The following GABBR2 variants were observed in gnomAD, a reference collection of about 807,000 sequenced individuals.
GABBR2 encodes the protein G-protein coupled receptor 51.
A neutral mutation model predicts 105.6 loss-of-function variants in GABBR2; 23 were observed. The observed-to-expected ratio is 0.22, with a 90% CI of 0.16 to 0.31. The LOEUF is 0.31. GABBR2 is among the 10% of genes least tolerant of loss of function. GABBR2 has a pLI of 1.00. For synonymous variants in GABBR2, 478 were observed against 499.7 expected, an observed-to-expected ratio of 0.96 and a Z score of 0.58; for missense variants, 734 against 1,245.5, an observed-to-expected ratio of 0.59 and a Z score of 6.18.
chr9:98,407,414 G>A (rs1279757492), intron 7 of GABBR2, among the ~76,000 whole-genome samples: 1 of 152,184 alleles, frequency 6.6e-6, no homozygotes, highest in Non-Finnish European at 1.5e-5. Flanking sequence ...AGACAGCTGT[G>A]AGTAGTATCA....
intron 3 of GABBR2, among the ~76,000 whole-genome samples, chr9:98,498,033 G>A (rs1827319157): frequency 6.6e-6 from 1 of 152,198 alleles, no homozygotes. Flanking sequence ...TACAGACAGT[G>A]AAATACTATT....
intron 7 of GABBR2, among the ~76,000 whole-genome samples, chr9:98,449,719 T>C (rs2131597667): frequency 6.6e-6 from 1 of 152,304 alleles, no homozygotes; most frequent in East Asian, 1.9e-4. Context: ...TGCTCTGGGC[T>C]TTTGAGATTT....
At chr9:98,680,368 C>T (rs1260226058) in intron 1 of GABBR2, among the ~76,000 whole-genome samples, 1 of 152,046 alleles carries the variant, frequency 6.6e-6, no homozygotes, top group Non-Finnish European at 1.5e-5. Flanking sequence ...TGCAGTGGCA[C>T]GATCTCGGCT....
rs762233725 is a variant in GABBR2, at chr9:98,306,097, A to G, written c.2229+24T>C. ...GTGCTGGAGTCAGAGGGCAGAGGCC[A>G]GGTGGTGGGGCCAGCGCCTGTACCT... On this transcript the variant is annotated intron_variant, in intron 15 of 18. Coordinates refer to ENST00000259455, the MANE Select transcript of GABBR2 (RefSeq NM_005458.8). The surrounding 1 kb of genome is among the most constrained non-coding windows in gnomAD (Gnocchi z 5.4). 9.0e-6 allele frequency: 14 copies of G among 1,550,482 alleles called. No individual in the cohort carries two copies. The African/African-American group carries it at 1.6e-4, about 18-fold the overall frequency.
At chr9:98,401,362 G>T (rs1832391918) in intron 8 of GABBR2, among the ~76,000 whole-genome samples, 1 of 152,168 alleles carries the variant, frequency 6.6e-6, no homozygotes, top group Non-Finnish European at 1.5e-5. Context: ...TTGTATAAGA[G>T]AATCAGGGCT....
chr9:98,386,273 G>A lies in GABBR2; in HGVS notation c.1530-501C>T, dbSNP rs181321983. ...ATGTCAAATCTAGAGAATGTGACAT[G>A]TAACTTCAGCCACGTTCCCCACAGT... On this transcript the variant is annotated intron_variant, in intron 10 of 18. Transcript: ENST00000259455. Among the ~76,000 whole-genome samples, 5 of 145,272 alleles carry A rather than the reference G, an allele frequency of 3.4e-5. No individual in the cohort carries two copies. The East Asian group carries it at 1.0e-3, about 29-fold the overall frequency.
intron 6 of GABBR2, among the ~76,000 whole-genome samples, chr9:98,458,764 A>T (rs1826370776): frequency 6.6e-6 from 1 of 152,244 alleles, no homozygotes; most frequent in African/African-American, 2.4e-5. Context: ...GGTTCAGTAT[A>T]TCAGTGAGTG....
chr9:98,620,148 A>T (rs1204738216), intron 1 of GABBR2, among the ~76,000 whole-genome samples: 1 of 152,160 alleles, frequency 6.6e-6, no homozygotes, highest in African/African-American at 2.4e-5. Context: ...CTGTACTGCT[A>T]CATTTTATTT....
chr9:98,573,133 G>A (rs565186854), intron 2 of GABBR2, among the ~76,000 whole-genome samples: 3 of 152,150 alleles, frequency 2.0e-5, no homozygotes, highest in Non-Finnish European at 4.4e-5. Context: ...GCACATTTCA[G>A]TACTCAGTGA....
intron 1 of GABBR2, among the ~76,000 whole-genome samples, chr9:98,684,177 A>T (rs1443085310): frequency 1.6e-4 from 24 of 146,048 alleles, no homozygotes; most frequent in Middle Eastern, 3.5e-3. Context: ...GGTAAAAAAA[A>T]AAAAAAAAAA....
chr9:98,394,313 G>T, intron 8 of GABBR2, 58 bp from the exon 9 acceptor site: 2 of 1,243,684 alleles, frequency 1.6e-6, no homozygotes, highest in Non-Finnish European at 2.4e-6. Context: ...GTGTCTGGGT[G>T]CTCCTATTCC....
intron 7 of GABBR2, among the ~76,000 whole-genome samples, chr9:98,447,352 C>A (rs539645897): frequency 1.3e-5 from 2 of 151,726 alleles, no homozygotes; most frequent in African/African-American, 4.8e-5. Flanking sequence ...CGTGAGCCAC[C>A]GCGCCCGGCC....
At chr9:98,367,369 A>C (rs1008661517) in intron 12 of GABBR2, among the ~76,000 whole-genome samples, 1 of 151,936 alleles carries the variant, frequency 6.6e-6, no homozygotes, top group Non-Finnish European at 1.5e-5. Context: ...AAAACAAGTC[A>C]GTCACCAAAG....
intron 7 of GABBR2, among the ~76,000 whole-genome samples, chr9:98,419,187 A>C (rs555131835): frequency 3.2e-4 from 48 of 152,212 alleles, no homozygotes; most frequent in Admixed American, 5.9e-4. Context: ...GGAAGAGAAA[A>C]AGATGCAGAT....
intron 1 of GABBR2, among the ~76,000 whole-genome samples, chr9:98,616,803 CAG>C (rs1829593290): frequency 6.6e-6 from 1 of 151,796 alleles, no homozygotes; most frequent in African/African-American, 2.4e-5. Flanking sequence ...TAGAGATCCA[CAG>C]AGTCAGCTGG....
chr9:98,500,103 A>G (rs1404126723), intron 3 of GABBR2, among the ~76,000 whole-genome samples: 1 of 152,262 alleles, frequency 6.6e-6, no homozygotes, highest in African/African-American at 2.4e-5. Context: ...ACTGGAGCCA[A>G]TATCTTGCCA....
At chr9:98,531,278 G>A (rs1828062707) in intron 3 of GABBR2, among the ~76,000 whole-genome samples, 1 of 152,174 alleles carries the variant, frequency 6.6e-6, no homozygotes, top group Admixed American at 6.5e-5. Flanking sequence ...GTGGGGAGAA[G>A]GACTCCACTC....
rs773634944 is a variant in GABBR2, at chr9:98,530,698, C to T, written c.630+11175G>A. ...TATTTGGGAACCTGAGCCAGAAGAT[C>T]GCTTGAGCCCAGGAGTTTGAGGCTG... On this transcript the variant is annotated intron_variant, in intron 3 of 18. Coordinates refer to ENST00000259455, the MANE Select transcript of GABBR2 (RefSeq NM_005458.8). 2.6e-4 allele frequency among the ~76,000 whole-genome samples: 39 copies of T among 152,272 alleles called. 1 individual carries two copies. Among genetic ancestry groups the T allele is most frequent in the Admixed American group, 5.9e-4 (9 of 15,292 alleles).
At chr9:98,497,829 T>A (rs1419058206) in intron 3 of GABBR2, among the ~76,000 whole-genome samples, 1 of 152,078 alleles carries the variant, frequency 6.6e-6, no homozygotes, top group Non-Finnish European at 1.5e-5. Flanking sequence ...TAGCAGCCCC[T>A]CAAAAAAATA....
Sources: allele counts gnomAD v4.1 joint callset (sites outside exome capture counted in the v4.1 genomes callset), GRCh38; gene constraint gnomAD v4.1.1; non-coding constraint Gnocchi (gnomAD v3.1); transcripts MANE v1.5; gene names NCBI Gene and HGNC (gene_info 2026-07-23, HGNC 2026-07-21).